MRTFA: variants seen among roughly 807,000 people sequenced by gnomAD.
MRTFA encodes myocardin related transcription factor A.
In MRTFA, 20 loss-of-function variants were observed where a neutral mutation model predicts 83.5. The ratio of observed to expected loss-of-function variants is 0.24; its 90% confidence interval spans 0.17 to 0.35. The LOEUF (loss-of-function observed/expected upper bound fraction) is 0.35, where lower values mean the gene tolerates loss of function less well. MRTFA is among the 10% of genes least tolerant of loss of function. The pLI, the probability that MRTFA is intolerant of heterozygous loss-of-function variation, is 1.00. For synonymous variants in MRTFA, 659 were observed against 541.2 expected (o/e 1.22, Z -3.02); for missense variants, 1,200 against 1,224.7 (o/e 0.98, Z 0.30).
intron 3 of MRTFA, among the ~76,000 whole-genome samples, chr22:40,549,921 T>C (rs1204695913): frequency 6.6e-6 from 1 of 151,902 alleles, no homozygotes; most frequent in Non-Finnish European, 1.5e-5. Flanking sequence ...TGGTGGCACA[T>C]GCCTGTAATC....
At chr22:40,495,210 C>G (rs914802549) in intron 3 of MRTFA, among the ~76,000 whole-genome samples, 1 of 150,990 alleles carries the variant, frequency 6.6e-6, no homozygotes, top group African/African-American at 2.4e-5. Context: ...CCCGTCTCTA[C>G]TAAAAATAAA....
rs891989371 is a variant in MRTFA at position 40,416,548 on chromosome 22, G to A, written c.2578+438C>T. On this transcript the variant is annotated intron_variant, in intron 14 of 14. Transcript: ENST00000355630. This position sits in a 1 kb window ranked among gnomAD's most constrained non-coding sequence, Gnocchi z 4.2. ...CCACTCCAACCCGCCAGGTACTCCCGAGGCCGCACAGATGCACACAGCTGC... is the reference window on the plus strand; with the variant it reads ...CCACTCCAACCCGCCAGGTACTCCCAAGGCCGCACAGATGCACACAGCTGC... Among the ~76,000 whole-genome samples the A allele has an allele frequency of 9.2e-5, 14 of 152,258 alleles. No individual in the cohort carries two copies. Among genetic ancestry groups the A allele is most frequent in the Middle Eastern group, 3.4e-3 (1 of 294 alleles).
intron 3 of MRTFA, among the ~76,000 whole-genome samples, chr22:40,542,028 G>A (rs539581362): frequency 7.0e-6 from 1 of 142,864 alleles, no homozygotes; most frequent in South Asian, 2.3e-4. Context: ...TTTAAGACAG[G>A]GTCTCACTCT....
intron 3 of MRTFA, among the ~76,000 whole-genome samples, chr22:40,541,153 G>A (rs941522239): frequency 1.3e-5 from 2 of 152,106 alleles, no homozygotes; most frequent in African/African-American, 4.8e-5. Context: ...AGAGAAATCA[G>A]AAAAACAGAG....
intron 3 of MRTFA, among the ~76,000 whole-genome samples, chr22:40,535,748 A>C (rs1423886292): frequency 6.6e-6 from 1 of 152,194 alleles, no homozygotes. Flanking sequence ...TATAAACTTT[A>C]AGATTCCTGC....
intron 3 of MRTFA, among the ~76,000 whole-genome samples, chr22:40,543,655 A>G (rs188309498): frequency 5.9e-5 from 9 of 152,372 alleles, no homozygotes; most frequent in South Asian, 2.1e-4. Context: ...AGTGTCTAAA[A>G]ACAAATCTAA....
chr22:40,519,815 G>C (rs1329162747), intron 3 of MRTFA, among the ~76,000 whole-genome samples: 2 of 152,154 alleles, frequency 1.3e-5, no homozygotes, highest in African/African-American at 4.8e-5. Flanking sequence ...ACTAGCAACG[G>C]AAGTCAGACT....
At chr22:40,510,314 G>A (rs1426565255) in intron 3 of MRTFA, among the ~76,000 whole-genome samples, 1 of 151,916 alleles carries the variant, frequency 6.6e-6, no homozygotes. Context: ...GAAAACTAAA[G>A]GAAAGTACAT....
chr22:40,550,451 A>G (rs2055427482), intron 3 of MRTFA, among the ~76,000 whole-genome samples: 1 of 152,220 alleles, frequency 6.6e-6, no homozygotes, highest in Non-Finnish European at 1.5e-5. Flanking sequence ...AGTCAAAGAA[A>G]AGAGAGCCTA....
chr22:40,518,529 C>T (rs1269675645), intron 3 of MRTFA, among the ~76,000 whole-genome samples: 1 of 151,848 alleles, frequency 6.6e-6, no homozygotes, highest in Non-Finnish European at 1.5e-5. Context: ...CACGGTGGCT[C>T]ACGCCTGTAA....
In MRTFA at chr22:40,411,459, G is replaced by T. The variant is rs941309005; in HGVS notation, c.3027C>A (p.Ala1009=). Residue 1009 remains alanine, a synonymous_variant, in exon 15 of 15, where the codon GCC becomes GCA. Transcript: ENST00000355630. ...GGAAGTCTGTGGAGAAGAGGCTGGG[G>T]GCTGTGGTGCTGAGGGGGGCTAGGC... is the stretch of plus-strand genomic sequence containing the variant. 6.2e-7 allele frequency: 1 copy of T among 1,601,472 alleles called. No individual in the cohort carries two copies. Among genetic ancestry groups the T allele is most frequent in the Admixed American group, 1.7e-5 (1 of 59,672 alleles).
chr22:40,537,001 C>T (rs1364253005), intron 3 of MRTFA, among the ~76,000 whole-genome samples: 7 of 66,432 alleles, frequency 1.1e-4, no homozygotes, highest in East Asian at 5.5e-4. Flanking sequence ...CCACCCCGTC[C>T]GGGAGGGAGG....
chr22:40,589,150 T>C (rs28367288), intron 2 of MRTFA, among the ~76,000 whole-genome samples: 74 of 152,194 alleles, frequency 4.9e-4, no homozygotes, highest in Non-Finnish European at 7.9e-4. Flanking sequence ...CCTAAAAAAG[T>C]GAATCTAAAT....
chr22:40,477,716 T>C (rs2054021789), intron 3 of MRTFA, among the ~76,000 whole-genome samples: 2 of 151,658 alleles, frequency 1.3e-5, no homozygotes, highest in Non-Finnish European at 2.9e-5. Context: ...TGATCTTATA[T>C]CAAGCCACGC....
chr22:40,577,670 T>C (rs1223447206), intron 2 of MRTFA, among the ~76,000 whole-genome samples: 1 of 149,754 alleles, frequency 6.7e-6, no homozygotes, highest in African/African-American at 2.5e-5. Flanking sequence ...TGGAGTGCAA[T>C]GGTGCGATCA....
Position 40,411,624 on chromosome 22 carries a change from C to T in MRTFA, c.2862G>A (p.Leu954=). 6.2e-7 allele frequency: 1 copy of T among 1,613,566 alleles called. No individual in the cohort carries two copies. The highest frequency in any genetic ancestry group is 8.5e-7 in the Non-Finnish European group (1 of 1,179,970). The stretch of plus-strand genomic sequence containing the variant: ...TGTCCATGGGTGACGGGGGGTGGTC[C>T]AGGATGGCAGTGCTGCTCAGCATCT... The change falls in exon 15 of 15, where the codon CTG becomes CTA. Residue 954 remains leucine, a synonymous_variant. Transcript: ENST00000355630.
chr22:40,602,723 T>TGTAATCCCA (rs2147398067), intron 1 of MRTFA, among the ~76,000 whole-genome samples: 1 of 150,928 alleles, frequency 6.6e-6, no homozygotes, highest in South Asian at 2.1e-4. Flanking sequence ...GGCATGTGCC[T>TGTAATCCCA]GTAATCCCAG....
intron 4 of MRTFA, among the ~76,000 whole-genome samples, chr22:40,440,567 G>C (rs1390841302): frequency 6.6e-6 from 1 of 152,208 alleles, no homozygotes; most frequent in Non-Finnish European, 1.5e-5. Context: ...CTTCCTTCAG[G>C]TTTGTGTCAG....
rs560839390 is a variant in MRTFA at position 40,559,488 on chromosome 22, T to C, written c.-21-7121A>G. On this transcript the variant is annotated intron_variant, in intron 2 of 14. Transcript: ENST00000355630. ...AAGCTAGAGTGCAATGGAATGATCATAGCTCACTGCAGCCTTAAACTCCTG... is the reference window on the plus strand; with the variant it reads ...AAGCTAGAGTGCAATGGAATGATCACAGCTCACTGCAGCCTTAAACTCCTG... Among the ~76,000 whole-genome samples the C allele has an allele frequency of 1.4e-4, 21 of 152,296 alleles. No homozygotes were observed. The East Asian group carries it at 3.7e-3, about 27-fold the overall frequency.
Sources: gnomAD v4.1 joint callset for allele counts (sites outside exome capture counted in the v4.1 genomes callset) on GRCh38, gnomAD v4.1.1 for gene constraint, Gnocchi (gnomAD v3.1) non-coding constraint, MANE v1.5 for transcripts, NCBI Gene and HGNC (gene_info 2026-07-23, HGNC 2026-07-21) for gene names.